The following VPS13B variants were observed in gnomAD, a reference collection of about 807,000 sequenced individuals.
The protein encoded by VPS13B is vacuolar protein sorting 13 homolog B, also known as intermembrane lipid transfer protein VPS13B.
Under a neutral mutation model 426.4 loss-of-function variants are expected in VPS13B, and 285 were observed. The ratio of observed to expected loss-of-function variants is 0.67; its 90% confidence interval spans 0.61 to 0.74. The LOEUF (loss-of-function observed/expected upper bound fraction) is 0.74, where lower values mean the gene tolerates loss of function less well. VPS13B is among the 30% of genes least tolerant of loss of function. The probability of loss-of-function intolerance (pLI) is 0.00; values close to 1 mark genes in which losing one functional copy is unlikely to be tolerated. For missense variants in VPS13B, 4,537 were observed against 4,782.6 expected (o/e 0.95, Z 1.51); for synonymous variants, 1,676 against 1,676.4 (o/e 1.00, Z 0.01).
intron 19 of VPS13B, among the ~76,000 whole-genome samples, chr8:99,320,388 T>A (rs1490915637): frequency 6.6e-6 from 1 of 152,194 alleles, no homozygotes; most frequent in African/African-American, 2.4e-5. Flanking sequence ...AAATACAACA[T>A]CAGTAATTTC....
At chr8:99,512,781 G>A (rs1268167370) in intron 29 of VPS13B, among the ~76,000 whole-genome samples, 4 of 152,058 alleles carry the variant, frequency 2.6e-5, no homozygotes, top group Admixed American at 6.5e-5. Flanking sequence ...AGGCCGAGTC[G>A]GGCAGATCAT....
At chr8:99,308,937 G>A (rs949759182) in intron 19 of VPS13B, among the ~76,000 whole-genome samples, 3 of 152,098 alleles carry the variant, frequency 2.0e-5, no homozygotes, top group Non-Finnish European at 4.4e-5. Flanking sequence ...GCCAGTGATG[G>A]TGAGCATTTT....
intron 39 of VPS13B, among the ~76,000 whole-genome samples, chr8:99,726,644 A>G (rs570378200): frequency 2.6e-5 from 4 of 152,356 alleles, no homozygotes; most frequent in African/African-American, 9.6e-5. Flanking sequence ...GAAGAATACA[A>G]TGATAAGGGA....
chr8:99,767,046 C>T (rs1288485281), intron 40 of VPS13B, 76 bp downstream of exon 40: 2 of 1,406,116 alleles, frequency 1.4e-6, no homozygotes, highest in Middle Eastern at 1.8e-4. Context: ...TCTAGTGACC[C>T]CTCACTTAAC....
At chr8:99,216,818 T>C (rs1278802311) in intron 17 of VPS13B, among the ~76,000 whole-genome samples, 1 of 152,092 alleles carries the variant, frequency 6.6e-6, no homozygotes, top group Non-Finnish European at 1.5e-5. Flanking sequence ...TAAGTAAAAA[T>C]GTTAATATTG....
At position 99,876,828 on chromosome 8, in the gene VPS13B, G is replaced by GAGAA. The variant is rs892153444; in HGVS notation, c.*1163_*1166dup. ...GTTACCTAGAATTTTGAGATACTAA[G>GAGAA]AGAATGCAATTTTAAATGCCCACTG... On this transcript the variant is annotated 3_prime_UTR_variant, in exon 62 of 62. Coordinates refer to ENST00000357162, the MANE Select transcript of VPS13B (RefSeq NM_152564.5). 1.3e-5 allele frequency: 2 copies of GAGAA among 152,126 alleles called. No homozygotes were observed. The highest frequency in any genetic ancestry group is 1.5e-5 in the Non-Finnish European group (1 of 68,036). 9.4% of individuals were successfully genotyped at this position (152,126 alleles called of 1,614,324 possible).
chr8:99,764,072 G>A (rs1811080480), intron 39 of VPS13B, among the ~76,000 whole-genome samples: 1 of 152,114 alleles, frequency 6.6e-6, no homozygotes, highest in Non-Finnish European at 1.5e-5. Flanking sequence ...ATCCCATTTT[G>A]TCCTCAAAAC....
intron 40 of VPS13B, among the ~76,000 whole-genome samples, chr8:99,767,854 C>CG (rs1811303596): frequency 6.6e-6 from 1 of 151,958 alleles, no homozygotes. Context: ...CCTTGAGCCC[C>CG]GGAGGGTGAG....
chr8:99,308,893 T>A (rs1820794668), intron 19 of VPS13B, among the ~76,000 whole-genome samples: 1 of 152,178 alleles, frequency 6.6e-6, no homozygotes, highest in Non-Finnish European at 1.5e-5. Context: ...TGAGATGGTA[T>A]CTCATTGTGG....
chr8:99,871,604 C>A lies in VPS13B; in HGVS notation c.11652C>A (p.Phe3884Leu), dbSNP rs2130975772. The A allele has an allele frequency of 6.2e-7, 1 of 1,614,190 alleles. No individual in the cohort carries two copies. Among genetic ancestry groups the A allele is most frequent in the East Asian group, 2.2e-5 (1 of 44,872 alleles). The change falls in exon 61 of 62, where the codon TTC (phenylalanine) becomes TTA (leucine). Residue 3884 changes from phenylalanine (F) to leucine (L), a missense_variant. By Grantham distance (22) the Phe-to-Leu change is conservative. Coordinates refer to ENST00000357162, the MANE Select transcript of VPS13B (RefSeq NM_152564.5). The stretch of plus-strand genomic sequence containing the variant: ...GTGAGGACACACAGCAGCAGGCCTT[C>A]CCCGTCACAGAAATCGACTGTGCAC... ...SVSEDTQQQA[F>L]PVTEIDCAQD...
chr8:99,535,438 G>A (rs1051134976), intron 30 of VPS13B, among the ~76,000 whole-genome samples: 3 of 152,080 alleles, frequency 2.0e-5, no homozygotes, highest in Admixed American at 1.3e-4. Flanking sequence ...TAGACAGATA[G>A]CTCCTCAATC....
intron 43 of VPS13B, among the ~76,000 whole-genome samples, chr8:99,790,144 A>G (rs1045515245): frequency 2.0e-5 from 3 of 152,062 alleles, no homozygotes; most frequent in Non-Finnish European, 2.9e-5. Context: ...GTTTTTCTCA[A>G]TTGTTCTCTT....
intron 6 of VPS13B, among the ~76,000 whole-genome samples, chr8:99,113,253 C>T (rs1343050648): frequency 6.6e-6 from 1 of 152,102 alleles, no homozygotes; most frequent in East Asian, 1.9e-4. Context: ...CGCATGTCTC[C>T]ATCCCTGGCT....
Position 99,322,102 on chromosome 8 carries a change from G to T in VPS13B, c.2824+46848G>T, listed in dbSNP as rs145510591. On this transcript the variant is annotated intron_variant, in intron 19 of 61. Coordinates refer to ENST00000357162, the MANE Select transcript of VPS13B (RefSeq NM_152564.5). Reference sequence around the variant, plus strand: ...CGTGTTCCTTTAGTTGTATCCTTCAGACGAGCAACCTTGTTGTTTGTGCCC... The same window carrying T: ...CGTGTTCCTTTAGTTGTATCCTTCATACGAGCAACCTTGTTGTTTGTGCCC... Among the ~76,000 whole-genome samples, 528 of 152,242 alleles carry T rather than the reference G, an allele frequency of 3.5e-3. 5 individuals are homozygous for T. The highest frequency in any genetic ancestry group is 0.012 in the African/African-American group (505 of 41,560).
Position 99,642,402 on chromosome 8 carries a change from T to C in VPS13B, c.5812T>C (p.Ser1938Pro), listed in dbSNP as rs186741842. 2 of 1,614,108 alleles carry C rather than the reference T, an allele frequency of 1.2e-6. No individual in the cohort carries two copies. Among genetic ancestry groups the C allele is most frequent in the Non-Finnish European group, 8.5e-7 (1 of 1,179,994 alleles). Reference protein sequence around the residue: ...PFLYFIVSQPSLLLSCHHRKQ... With the variant: ...PFLYFIVSQPPLLLSCHHRKQ... ...TCTGTACTTTATTGTGTCCCAGCCT[T>C]CCTTGCTTCTGAGTTGTCACCACAG... Residue 1938 changes from serine to proline, a missense_variant, in exon 34 of 62, where the codon TCC becomes CCC. Ser to Pro is a moderately conservative substitution (Grantham distance 74). Transcript: ENST00000357162.
At chr8:99,361,225 A>G (rs970790486) in intron 19 of VPS13B, among the ~76,000 whole-genome samples, 11 of 152,242 alleles carry the variant, frequency 7.2e-5, no homozygotes, top group African/African-American at 1.4e-4. Flanking sequence ...TGGAAAATTC[A>G]TTAGACACTC....
At chr8:99,167,391 T>A (rs867231392) in intron 15 of VPS13B, among the ~76,000 whole-genome samples, 65 of 152,190 alleles carry the variant, frequency 4.3e-4, no homozygotes, top group Admixed American at 5.2e-4. Context: ...ATTATACTAT[T>A]ATGTGTTTTA....
intron 16 of VPS13B, among the ~76,000 whole-genome samples, chr8:99,172,157 A>G (rs1812377024): frequency 6.6e-6 from 1 of 152,096 alleles, no homozygotes; most frequent in African/African-American, 2.4e-5. Flanking sequence ...CCATTTCTTC[A>G]TGTTCATGTT....
At chr8:99,841,835 G>A (rs1365825578) in intron 54 of VPS13B, among the ~76,000 whole-genome samples, 1 of 152,106 alleles carries the variant, frequency 6.6e-6, no homozygotes, top group African/African-American at 2.4e-5. Context: ...TTTAGCCATA[G>A]CGCCTTAATA....
Sources: allele counts gnomAD v4.1 joint callset (sites outside exome capture counted in the v4.1 genomes callset), GRCh38; gene constraint gnomAD v4.1.1; transcripts MANE v1.5; gene names NCBI Gene and HGNC (gene_info 2026-07-23, HGNC 2026-07-21).